Variants in TFDP2 observed in about 807,000 individuals in gnomAD.
TFDP2 encodes the protein transcription factor Dp-2 (E2F dimerization partner 2).
A neutral mutation model predicts 59.3 loss-of-function variants in TFDP2; 17 were observed. That is an observed-to-expected ratio of 0.29 (90% CI 0.20 to 0.43). The LOEUF is 0.43. Ranked by LOEUF, TFDP2 falls within the 20% of genes least tolerant of loss-of-function variation. TFDP2 has a pLI of 1.00. For missense variants in TFDP2, 391 were observed against 528.8 expected (o/e 0.74, Z 2.56); for synonymous variants, 180 against 194.7 (o/e 0.92, Z 0.63).
In TFDP2 at chr3:141,948,927, AC is replaced by A. The variant is rs1187794388; in HGVS notation, c.*3585del. On this transcript the variant is annotated 3_prime_UTR_variant, in exon 13 of 13. Coordinates refer to ENST00000489671, the MANE Select transcript of TFDP2 (RefSeq NM_001178139.2). ...AGACCATCCTGGCTAACACGGTGAA[AC>A]CCCGTCTCTACTAAAAATACAAAAA... 6.6e-6 allele frequency: 1 copy of A among 151,646 alleles called. No individual in the cohort carries two copies. Among genetic ancestry groups the A allele is most frequent in the Non-Finnish European group, 1.5e-5 (1 of 68,050 alleles). The allele number at this position is 151,646 out of a possible 1,614,324, so 9.4% of individuals were successfully genotyped here. A position where few individuals can be genotyped will look rare whatever the true frequency, so the allele number is the denominator to read the frequency against.
At position 141,963,929 on chromosome 3, in the gene TFDP2, C is replaced by G; in HGVS notation, c.767G>C (p.Arg256Pro). Residue 256 changes from arginine (R) to proline (P), a missense_variant, in exon 10 of 13, where the codon CGA becomes CCA. Coordinates refer to ENST00000489671, the MANE Select transcript of TFDP2 (RefSeq NM_001178139.2). ...GCCCTGGTTTTGCTGCTCATTTTGTCGATTTCTCTGTACCAGGTTTTTGAA... is the reference window on the plus strand; with the variant it reads ...GCCCTGGTTTTGCTGCTCATTTTGTGGATTTCTCTGTACCAGGTTTTTGAA... Reference protein sequence around the residue: ...IAFKNLVQRNRQNEQQNQGPP... With the variant: ...IAFKNLVQRNPQNEQQNQGPP... 1 of 1,613,278 alleles carries G rather than the reference C, an allele frequency of 6.2e-7. No individual in the cohort carries two copies. The highest frequency in any genetic ancestry group is 8.5e-7 in the Non-Finnish European group (1 of 1,179,910).
chr3:142,104,006 T>C (rs1385611582), intron 1 of TFDP2, among the ~76,000 whole-genome samples: 1 of 152,158 alleles, frequency 6.6e-6, no homozygotes, highest in Non-Finnish European at 1.5e-5. Context: ...GGTTTTAAGC[T>C]CCACATGCAT....
At chr3:142,094,393 C>T (rs1441505040) in intron 2 of TFDP2, among the ~76,000 whole-genome samples, 3 of 151,884 alleles carry the variant, frequency 2.0e-5, no homozygotes, top group Non-Finnish European at 4.4e-5. Flanking sequence ...CAACCTCCGC[C>T]TCCCGGGTTC....
chr3:142,149,076 G>T (rs1167490559), intron 1 of TFDP2, 107 bp downstream of exon 1: 3 of 394,692 alleles, frequency 7.6e-6, no homozygotes, highest in African/African-American at 6.2e-5. Flanking sequence ...ACTCGTGGGG[G>T]AACAAGGGGG....
At chr3:142,054,564 T>A (rs1175170032) in intron 3 of TFDP2, among the ~76,000 whole-genome samples, 1 of 152,224 alleles carries the variant, frequency 6.6e-6, no homozygotes, top group Non-Finnish European at 1.5e-5. Flanking sequence ...CAGGTGGCAC[T>A]TCATAATATT....
chr3:142,075,075 C>T (rs1436440781), intron 3 of TFDP2, among the ~76,000 whole-genome samples: 1 of 151,776 alleles, frequency 6.6e-6, no homozygotes, highest in Non-Finnish European at 1.5e-5. Context: ...CATAATGGAC[C>T]AAAGGCCTAA....
chr3:142,044,183 G>T, intron 3 of TFDP2: 3 of 454,524 alleles, frequency 6.6e-6, no homozygotes, highest in South Asian at 2.5e-5. Context: ...CTCTTCTGAA[G>T]CCTGAGCATA....
chr3:141,981,142 C>A (rs997502852), intron 6 of TFDP2, among the ~76,000 whole-genome samples: 1 of 152,028 alleles, frequency 6.6e-6, no homozygotes, highest in Non-Finnish European at 1.5e-5. Flanking sequence ...TAAAAAAAAT[C>A]TTTTACAAGG....
rs139342477 is a variant in TFDP2, at chr3:142,003,128, G to A, written c.186+2313C>T. ...AGCAATTCTCCTGCCTCAGCCTCCC[G>A]AGTATCTGGGACTACATGTGTGTCA... On this transcript the variant is annotated intron_variant, in intron 4 of 12. Transcript: ENST00000489671. 7.5e-3 allele frequency among the ~76,000 whole-genome samples: 1,142 copies of A among 151,892 alleles called. 13 individuals carry two copies. The highest frequency in any genetic ancestry group is 0.023 in the African/African-American group (941 of 41,414).
At chr3:142,018,753 A>T (rs1005557376) in intron 3 of TFDP2, among the ~76,000 whole-genome samples, 1 of 152,098 alleles carries the variant, frequency 6.6e-6, no homozygotes, top group Non-Finnish European at 1.5e-5. Context: ...ATGTGTTTTT[A>T]AATTTTATTT....
chr3:142,107,258 G>A (rs1237080651), intron 1 of TFDP2, among the ~76,000 whole-genome samples: 3 of 149,112 alleles, frequency 2.0e-5, no homozygotes, highest in African/African-American at 7.4e-5. Context: ...TCGAGACGGA[G>A]TCTTGCTCTG....
Position 141,986,807 on chromosome 3 carries a change from A to G in TFDP2, c.356+6731T>C, listed in dbSNP as rs376194729. 2.3e-4 allele frequency among the ~76,000 whole-genome samples: 35 copies of G among 152,276 alleles called. No individual in the cohort carries two copies. In the South Asian group the frequency reaches 6.8e-3, roughly 30 times the overall value. On this transcript the variant is annotated intron_variant, in intron 6 of 12. Transcript: ENST00000489671. Reference sequence around the variant, plus strand: ...GATGCTTCATATCCTTGCCAAACTTAGCACTGTCTATCCTTTTCATTGTAG... The same window carrying G: ...GATGCTTCATATCCTTGCCAAACTTGGCACTGTCTATCCTTTTCATTGTAG...
At chr3:142,011,970 A>G (rs2108301192) in intron 3 of TFDP2, among the ~76,000 whole-genome samples, 1 of 152,106 alleles carries the variant, frequency 6.6e-6, no homozygotes, top group African/African-American at 2.4e-5. Context: ...AATTCTACAT[A>G]AATGCTTTAA....
chr3:142,091,706 G>GGGT (rs1288681493), intron 3 of TFDP2, among the ~76,000 whole-genome samples: 2 of 152,166 alleles, frequency 1.3e-5, no homozygotes, highest in African/African-American at 4.8e-5. Flanking sequence ...CCATGGATGG[G>GGGT]GGTGGAGAGA....
At chr3:142,114,022 A>T (rs2061758163) in intron 1 of TFDP2, among the ~76,000 whole-genome samples, 1 of 152,104 alleles carries the variant, frequency 6.6e-6, no homozygotes, top group East Asian at 1.9e-4. Flanking sequence ...AAAATTAGCC[A>T]GGCGTGATGG....
At position 141,946,898 on chromosome 3, in the gene TFDP2, C is replaced by T. The variant is rs1576417581; in HGVS notation, c.*5615G>A. On this transcript the variant is annotated 3_prime_UTR_variant, in exon 13 of 13. Transcript: ENST00000489671. ...CAAAAATTAGCCAGGCGTGGTGGCA[C>T]ATGTCTGTAATCCCAACTACTTGGG... The T allele has an allele frequency of 6.6e-6, 1 of 152,182 alleles. No homozygotes were observed. Among genetic ancestry groups the T allele is most frequent in the South Asian group, 2.1e-4 (1 of 4,828 alleles). The allele number at this position is 152,182 out of a possible 1,614,324, so 9.4% of individuals were successfully genotyped here. A position where few individuals can be genotyped will look rare whatever the true frequency, so the allele number is the denominator to read the frequency against.
intron 4 of TFDP2, among the ~76,000 whole-genome samples, chr3:142,004,711 T>C (rs189670767): frequency 1.2e-3 from 176 of 152,362 alleles, no homozygotes; most frequent in Non-Finnish European, 2.0e-3. Flanking sequence ...GAGTTTTAAA[T>C]TAATAACTCC....
intron 2 of TFDP2, among the ~76,000 whole-genome samples, chr3:142,096,475 T>C (rs970942293): frequency 3.1e-4 from 47 of 152,332 alleles, no homozygotes; most frequent in African/African-American, 1.1e-3. Context: ...AATCATGTCC[T>C]GAGGAAAATA....
At chr3:142,132,180 C>G (rs942200257) in intron 1 of TFDP2, among the ~76,000 whole-genome samples, 20 of 150,152 alleles carry the variant, frequency 1.3e-4, no homozygotes, top group Middle Eastern at 3.4e-3. Context: ...TACTCTGCAG[C>G]ATGCATAAAC....
Sources: gnomAD v4.1 joint callset for allele counts (sites outside exome capture counted in the v4.1 genomes callset) on GRCh38, gnomAD v4.1.1 for gene constraint, MANE v1.5 for transcripts, NCBI Gene and HGNC (gene_info 2026-07-23, HGNC 2026-07-21) for gene names.